Variants in KCNQ4 observed in about 807,000 individuals in gnomAD.
KCNQ4 encodes potassium voltage-gated channel subfamily Q member 4.
A neutral mutation model predicts 72.6 loss-of-function variants in KCNQ4; 31 were observed. That is an observed-to-expected ratio of 0.43 (90% confidence interval 0.32 to 0.58). The LOEUF is 0.58. Ranked by LOEUF, KCNQ4 falls within the 20% of genes least tolerant of loss-of-function variation. The pLI, the probability that KCNQ4 is intolerant of heterozygous loss-of-function variation, is 0.08. For synonymous variants in KCNQ4, 405 were observed against 403.7 expected (o/e 1.00, Z -0.04); for missense variants, 869 against 962.6 (o/e 0.90, Z 1.29).
intron 1 of KCNQ4, among the ~76,000 whole-genome samples, chr1:40,796,161 G>C (rs974951669): frequency 1.3e-5 from 2 of 152,132 alleles, no homozygotes; most frequent in African/African-American, 4.8e-5. Flanking sequence ...GCAGGACTGT[G>C]GTGGGGGGCC....
intron 4 of KCNQ4, 135 bp from the exon 5 acceptor site, chr1:40,819,212 G>A: frequency 9.4e-7 from 1 of 1,059,476 alleles, no homozygotes; most frequent in Non-Finnish European, 1.4e-6. Context: ...CGCCGTGATG[G>A]GAGGAGCTGA....
chr1:40,839,993 CCT>C lies in KCNQ4; in HGVS notation c.*1473_*1474del, dbSNP rs1294758468. ...ACTTTCTTATCCCCACCCCTTTGCT[CCT>C]CTTCTGCAAAGCCAATGCAGGTGGC... On this transcript the variant is annotated 3_prime_UTR_variant, in exon 14 of 14. Coordinates refer to ENST00000347132, the MANE Select transcript of KCNQ4 (RefSeq NM_004700.4). 1 of 152,354 alleles carries C rather than the reference CCT, an allele frequency of 6.6e-6. No individual in the cohort carries two copies. Among genetic ancestry groups the C allele is most frequent in the East Asian group, 1.9e-4 (1 of 5,196 alleles). 9.4% of individuals were successfully genotyped at this position (152,354 alleles called of 1,614,324 possible).
chr1:40,785,554 G>A (rs7516766), intron 1 of KCNQ4, among the ~76,000 whole-genome samples: 8 of 152,192 alleles, frequency 5.3e-5, no homozygotes, highest in Admixed American at 6.5e-5. Flanking sequence ...ACCTGTGTGC[G>A]AGTTGGCCAG....
In KCNQ4 at chr1:40,838,947, T is replaced by G; in HGVS notation, c.*424T>G. The G allele has an allele frequency of 3.9e-6, 1 of 256,466 alleles. No individual in the cohort carries two copies. The highest frequency in any genetic ancestry group is 7.7e-6 in the Non-Finnish European group (1 of 129,150). The allele number at this position is 256,466 out of a possible 1,614,324, so 15.9% of individuals were successfully genotyped here. The stretch of plus-strand genomic sequence containing the variant: ...ACAGCAGGGAAGCCCTCCCGCCAAG[T>G]CCCCGCCCCACTTGGGGGTGGGCCA... On this transcript the variant is annotated 3_prime_UTR_variant, in exon 14 of 14. Coordinates refer to ENST00000347132, the MANE Select transcript of KCNQ4 (RefSeq NM_004700.4).
rs191631836 is a variant in KCNQ4, at chr1:40,838,421, C to G, written c.1986C>G (p.Pro662=). ...CCGTGCAAGTGCCGCTGTTCGACCC[C>G]GACATCACCTCCGACTACCACAGCC... ...LGAVQVPLFD[P]DITSDYHSPV... The change falls in exon 14 of 14, where the codon CCC becomes CCG. Residue 662 remains proline (P), a synonymous_variant. Coordinates refer to ENST00000347132, the MANE Select transcript of KCNQ4 (RefSeq NM_004700.4). 1,622 of 1,614,138 alleles carry G rather than the reference C, an allele frequency of 1.0e-3. 29 individuals are homozygous for G. In the East Asian group the frequency reaches 0.029, roughly 29 times the overall value.
intron 1 of KCNQ4, among the ~76,000 whole-genome samples, chr1:40,789,906 A>G (rs1052869096): frequency 6.6e-6 from 1 of 152,160 alleles, no homozygotes; most frequent in African/African-American, 2.4e-5. Flanking sequence ...TGCCCAGGGA[A>G]CTTCCCCAGA....
intron 1 of KCNQ4, among the ~76,000 whole-genome samples, chr1:40,803,555 GAGTA>G (rs894414241): frequency 1.6e-4 from 25 of 152,180 alleles, no homozygotes; most frequent in African/African-American, 5.6e-4. Flanking sequence ...AAACTAAGAA[GAGTA>G]TCTGCAGATG....
chr1:40,823,783 G>A (rs1487161633), intron 8 of KCNQ4, among the ~76,000 whole-genome samples: 1 of 152,248 alleles, frequency 6.6e-6, no homozygotes, highest in Non-Finnish European at 1.5e-5. Context: ...CAGGGCCACT[G>A]CTGGCCTCTC....
chr1:40,824,802 C>T (rs916693276), intron 9 of KCNQ4, among the ~76,000 whole-genome samples: 2 of 152,164 alleles, frequency 1.3e-5, no homozygotes, highest in African/African-American at 2.4e-5. Context: ...GTAGGACCTG[C>T]GTAAACTCAG....
intron 1 of KCNQ4, among the ~76,000 whole-genome samples, chr1:40,806,158 G>A (rs1025632166): frequency 6.6e-6 from 1 of 152,142 alleles, no homozygotes; most frequent in Non-Finnish European, 1.5e-5. Context: ...AAATTTTTAC[G>A]CCAAAGCCAG....
chr1:40,837,947 CCAGA>C (rs1392928478), intron 13 of KCNQ4, among the ~76,000 whole-genome samples, 153 bp downstream of exon 13: 1 of 151,320 alleles, frequency 6.6e-6, no homozygotes, highest in Middle Eastern at 3.2e-3. Flanking sequence ...GCCCTCGCCG[CCAGA>C]CATTCCCATA....
At position 40,818,544 on chromosome 1, in the gene KCNQ4, C is replaced by T; in HGVS notation, c.572C>T (p.Ala191Val). The T allele has an allele frequency of 6.2e-7, 1 of 1,603,144 alleles. No individual in the cohort carries two copies. The highest frequency in any genetic ancestry group is 1.3e-5 in the African/African-American group (1 of 75,048). ...VFVASVAVIA[A>V]GTQGNIFATS... Reference sequence around the variant, plus strand: ...GTGGCCTCGGTGGCCGTCATCGCCGCGGGTACCCAGGGCAACATCTTCGCC... The same window carrying T: ...GTGGCCTCGGTGGCCGTCATCGCCGTGGGTACCCAGGGCAACATCTTCGCC... Residue 191 changes from alanine (A) to valine (V), a missense_variant, in exon 4 of 14, where the codon GCG becomes GTG. Around this residue, in one of 5 missense-constraint regions of KCNQ4, gnomAD observed 179 missense variants for 243.0 expected, o/e 0.74. Coordinates refer to ENST00000347132, the MANE Select transcript of KCNQ4 (RefSeq NM_004700.4).
At chr1:40,834,923 C>T (rs1039948208) in intron 11 of KCNQ4, 44 bp from the exon 12 acceptor site, 9 of 1,608,808 alleles carry the variant, frequency 5.6e-6, no homozygotes, top group Non-Finnish European at 7.6e-6. Flanking sequence ...GGAAAGAATC[C>T]CTGCTCTAAC....
At chr1:40,819,242 GA>G in intron 4 of KCNQ4, 104 bp from the exon 5 acceptor site, 1 of 1,385,088 alleles carries the variant, frequency 7.2e-7, no homozygotes, top group South Asian at 1.2e-5. Flanking sequence ...GCGAGCCTGG[GA>G]CTCCGGGAGA....
In KCNQ4 at chr1:40,824,093, G is replaced by T; in HGVS notation, c.1131-4G>T. The T allele has an allele frequency of 6.4e-7, 1 of 1,551,216 alleles. No individual in the cohort carries two copies. Among genetic ancestry groups the T allele is most frequent in the Non-Finnish European group, 8.7e-7 (1 of 1,147,712 alleles). On this transcript the variant is annotated splice_region_variant and splice_polypyrimidine_tract_variant and intron_variant, in intron 8 of 13. Transcript: ENST00000347132. Reference sequence around the variant, plus strand: ...CCTGCCACTGATGGTGCCCTCTCCTGCAGAGAGCTGGCCCTCTTGTTTGAG... The same window carrying T: ...CCTGCCACTGATGGTGCCCTCTCCTTCAGAGAGCTGGCCCTCTTGTTTGAG...
chr1:40,790,964 T>G (rs1647269372), intron 1 of KCNQ4, among the ~76,000 whole-genome samples: 1 of 152,122 alleles, frequency 6.6e-6, no homozygotes, highest in Non-Finnish European at 1.5e-5. Context: ...CGGCCGAGTT[T>G]GGGCCTCATG....
intron 1 of KCNQ4, among the ~76,000 whole-genome samples, chr1:40,803,551 A>G (rs1366447674): frequency 6.6e-6 from 1 of 152,222 alleles, no homozygotes; most frequent in Non-Finnish European, 1.5e-5. Flanking sequence ...GAGGAAACTA[A>G]GAAGAGTATC....
In KCNQ4 at chr1:40,820,273, C is replaced by T. The variant is rs537649802; in HGVS notation, c.1041+13C>T. ...CAACCTCATCCAGGTACAAGATGCC[C>T]GGGAAGAAGCCCTAGGAGCAGGGCC... is the stretch of plus-strand genomic sequence containing the variant. On this transcript the variant is annotated intron_variant, in intron 7 of 13. Transcript: ENST00000347132. The T allele has an allele frequency of 1.8e-5, 29 of 1,586,434 alleles. No individual in the cohort carries two copies. The highest frequency in any genetic ancestry group is 1.7e-4 in the Middle Eastern group (1 of 6,020).
At chr1:40,827,698 T>C (rs967413012) in intron 9 of KCNQ4, among the ~76,000 whole-genome samples, 3 of 152,166 alleles carry the variant, frequency 2.0e-5, no homozygotes, top group African/African-American at 7.2e-5. Flanking sequence ...AGGTGTTTTT[T>C]CCTAGAAACG....
Sources: allele counts gnomAD v4.1 joint callset (sites outside exome capture counted in the v4.1 genomes callset), GRCh38; gene constraint gnomAD v4.1.1; regional missense constraint gnomAD v4.1.1; transcripts MANE v1.5; gene names NCBI Gene and HGNC (gene_info 2026-07-23, HGNC 2026-07-21).